YPEL3: variants seen among roughly 807,000 people sequenced by gnomAD.
The protein encoded by YPEL3 is protein yippee-like 3.
A neutral mutation model predicts 17.5 loss-of-function variants in YPEL3; 5 were observed. The ratio of observed to expected loss-of-function variants is 0.29; its 90% CI spans 0.15 to 0.60. The LOEUF (loss-of-function observed/expected upper bound fraction) is 0.60, where lower values mean the gene tolerates loss of function less well. Among genes scored for constraint, YPEL3 ranks in the 20% least tolerant of loss-of-function variants. YPEL3 has a pLI of 0.87. For missense variants in YPEL3, 155 were observed against 211.4 expected, an observed-to-expected ratio of 0.73 and a Z score of 1.65; for synonymous variants, 87 against 87.2, an observed-to-expected ratio of 1.00 and a Z score of 0.01.
intron 3 of YPEL3, chr16:30,094,546 G>A (rs936036777): frequency 2.7e-5 from 15 of 545,676 alleles, no homozygotes; most frequent in Middle Eastern, 9.8e-4. Flanking sequence ...TTCCATAAAT[G>A]GTGACTCTGA....
chr16:30,092,703 G>A lies in YPEL3; in HGVS notation c.*7C>T. On this transcript the variant is annotated 3_prime_UTR_variant, in exon 4 of 4. Transcript: ENST00000398841. ...GGCTGGAGCCACATGCGTCGGGGGAGCGGGGGTCAGTCCCAGCCGTTGTCT... is the reference window on the plus strand; with the variant it reads ...GGCTGGAGCCACATGCGTCGGGGGAACGGGGGTCAGTCCCAGCCGTTGTCT... 1.2e-6 allele frequency: 2 copies of A among 1,613,928 alleles called. No individual in the cohort carries two copies. The highest frequency in any genetic ancestry group is 1.7e-6 in the Non-Finnish European group (2 of 1,179,878).
In YPEL3 at chr16:30,092,351, C is replaced by A; in HGVS notation, c.*359G>T. The A allele has an allele frequency of 3.9e-6, 1 of 256,654 alleles. No homozygotes were observed. Among genetic ancestry groups the A allele is most frequent in the Non-Finnish European group, 7.7e-6 (1 of 129,908 alleles). The allele number at this position is 256,654 out of a possible 1,614,324, so 15.9% of individuals were successfully genotyped here. A position where few individuals can be genotyped will look rare whatever the true frequency, so the allele number is the denominator to read the frequency against. ...ATTGTTTTATTATGTACAAACGCTA[C>A]AGAACGAGGGGGACAGACACGCGTG... is the stretch of plus-strand genomic sequence containing the variant. On this transcript the variant is annotated 3_prime_UTR_variant, in exon 4 of 4. Transcript: ENST00000398841.
Position 30,095,734 on chromosome 16 carries a change from C to T in YPEL3, c.-252G>A, listed in dbSNP as rs937124653. The T allele has an allele frequency of 1.7e-5, 8 of 473,486 alleles. No homozygotes were observed. The East Asian group carries it at 2.5e-4, about 15-fold the overall frequency. The allele number at this position is 473,486 out of a possible 1,614,324, so 29.3% of individuals were successfully genotyped here. A position where few individuals can be genotyped will look rare whatever the true frequency, so the allele number is the denominator to read the frequency against. On this transcript the variant is annotated 5_prime_UTR_variant, in exon 1 of 4. Coordinates refer to ENST00000398841, the MANE Select transcript of YPEL3 (RefSeq NM_031477.5). The surrounding 1 kb of genome is among the most constrained non-coding windows in gnomAD (Gnocchi z 5.4). ...AGGGGCTTTGGAGGGGCTGGGCTGTCAGTTCCCAGTTTCGGGGGAGCATGG... is the reference window on the plus strand; with the variant it reads ...AGGGGCTTTGGAGGGGCTGGGCTGTTAGTTCCCAGTTTCGGGGGAGCATGG...
At position 30,092,376 on chromosome 16, in the gene YPEL3, G is replaced by C. The variant is rs1266238261; in HGVS notation, c.*334C>G. On this transcript the variant is annotated 3_prime_UTR_variant, in exon 4 of 4. Coordinates refer to ENST00000398841, the MANE Select transcript of YPEL3 (RefSeq NM_031477.5). ...CAGAACGAGGGGGACAGACACGCGT[G>C]GGGTAAGAAGGGCCTGGTGGGAGGA... The C allele has an allele frequency of 3.2e-6, 1 of 308,160 alleles. No individual in the cohort carries two copies. The highest frequency in any genetic ancestry group is 5.9e-5 in the East Asian group (1 of 16,916). The allele number at this position is 308,160 out of a possible 1,614,324, so 19.1% of individuals were successfully genotyped here.
Position 30,092,558 on chromosome 16 carries a change from C to T in YPEL3, c.*152G>A. 1 of 642,058 alleles carries T rather than the reference C, an allele frequency of 1.6e-6. No individual in the cohort carries two copies. Among genetic ancestry groups the T allele is most frequent in the Non-Finnish European group, 2.7e-6 (1 of 376,180 alleles). 39.8% of individuals were successfully genotyped at this position (642,058 alleles called of 1,614,324 possible). A position where few individuals can be genotyped will look rare whatever the true frequency, so the allele number is the denominator to read the frequency against. On this transcript the variant is annotated 3_prime_UTR_variant, in exon 4 of 4. Coordinates refer to ENST00000398841, the MANE Select transcript of YPEL3 (RefSeq NM_031477.5). ...CCCCCTTCTGTTCTCCCCCCAAGGT[C>T]ACAGTGCATGCAATAAAATATATAT...
At chr16:30,094,515 A>G (rs2072772156) in intron 3 of YPEL3, 2 of 473,844 alleles carry the variant, frequency 4.2e-6, no homozygotes, top group South Asian at 4.2e-5. Flanking sequence ...CAGGCACACA[A>G]CAGTGCAAGG....
Position 30,095,506 on chromosome 16 carries a change from G to A in YPEL3, c.-24C>T. 6.8e-7 allele frequency: 1 copy of A among 1,467,474 alleles called. No individual in the cohort carries two copies. The highest frequency in any genetic ancestry group is 9.0e-7 in the Non-Finnish European group (1 of 1,106,468). 90.9% of individuals were successfully genotyped at this position (1,467,474 alleles called of 1,614,324 possible). On this transcript the variant is annotated 5_prime_UTR_variant, in exon 1 of 4. Coordinates refer to ENST00000398841, the MANE Select transcript of YPEL3 (RefSeq NM_031477.5). The surrounding 1 kb of genome is among the most constrained non-coding windows in gnomAD (Gnocchi z 5.4). ...ATGCGAGGCACTCCCAGAGCCGTGGGGACTCGCTCTGTCACACTGGGCTGC... is the reference window on the plus strand; with the variant it reads ...ATGCGAGGCACTCCCAGAGCCGTGGAGACTCGCTCTGTCACACTGGGCTGC...
chr16:30,095,676 A>C lies in YPEL3; in HGVS notation c.-194T>G. On this transcript the variant is annotated 5_prime_UTR_variant, in exon 1 of 4. It removes the in-frame stop codon of an upstream open reading frame in the 5' UTR. Transcript: ENST00000398841. This position sits in a 1 kb window ranked among gnomAD's most constrained non-coding sequence, Gnocchi z 5.4. Reference sequence around the variant, plus strand: ...GAGTCACCCGCCTGCTTCCGGCCTCACCCTTGCTGACCTGGCAGCTGAAGC... The same window carrying C: ...GAGTCACCCGCCTGCTTCCGGCCTCCCCCTTGCTGACCTGGCAGCTGAAGC... 1.9e-6 allele frequency: 1 copy of C among 521,494 alleles called. No individual in the cohort carries two copies. The highest frequency in any genetic ancestry group is 3.4e-6 in the Non-Finnish European group (1 of 297,680). The allele number at this position is 521,494 out of a possible 1,614,324, so 32.3% of individuals were successfully genotyped here. A position where few individuals can be genotyped will look rare whatever the true frequency, so the allele number is the denominator to read the frequency against.
chr16:30,093,139 AAATAT>A (rs2072753517), intron 3 of YPEL3, among the ~76,000 whole-genome samples: 1 of 152,210 alleles, frequency 6.6e-6, no homozygotes, highest in Non-Finnish European at 1.5e-5. Context: ...TAAAGTATTA[AAATAT>A]AAGTAGGCCT....
Position 30,092,640 on chromosome 16 carries a change from T to C in YPEL3, c.*70A>G, listed in dbSNP as rs978247415. ...CTGAGGGTCCAGAGCTCCCTTCGGGTGGCGGGAAGCCAGTGGCGCTCCCTG... is the reference window on the plus strand; with the variant it reads ...CTGAGGGTCCAGAGCTCCCTTCGGGCGGCGGGAAGCCAGTGGCGCTCCCTG... On this transcript the variant is annotated 3_prime_UTR_variant, in exon 4 of 4. Transcript: ENST00000398841. 2.1e-6 allele frequency: 3 copies of C among 1,460,176 alleles called. No homozygotes were observed. In the African/African-American group the frequency reaches 4.2e-5, roughly 20 times the overall value. The allele number at this position is 1,460,176 out of a possible 1,614,324, so 90.5% of individuals were successfully genotyped here. A position where few individuals can be genotyped will look rare whatever the true frequency, so the allele number is the denominator to read the frequency against.
chr16:30,096,053 C>A lies in YPEL3; in HGVS notation c.-571G>T, dbSNP rs1238952221. 1.4e-5 allele frequency: 2 copies of A among 143,918 alleles called. No homozygotes were observed. The highest frequency in any genetic ancestry group is 7.1e-5 in the Admixed American group (1 of 14,126). The allele number at this position is 143,918 out of a possible 1,614,324, so 8.9% of individuals were successfully genotyped here. A position where few individuals can be genotyped will look rare whatever the true frequency, so the allele number is the denominator to read the frequency against. On this transcript the variant is annotated 5_prime_UTR_variant, in exon 1 of 4. Transcript: ENST00000398841. ...GAGGGGGCAGTCCTCGCGGGCTGGGCAGGGGCGCGGGGCGACACGCAGCCC... is the reference window on the plus strand; with the variant it reads ...GAGGGGGCAGTCCTCGCGGGCTGGGAAGGGGCGCGGGGCGACACGCAGCCC...
chr16:30,092,675 C>G lies in YPEL3; in HGVS notation c.*35G>C, dbSNP rs777615355. 1 of 1,609,502 alleles carries G rather than the reference C, an allele frequency of 6.2e-7. No individual in the cohort carries two copies. The highest frequency in any genetic ancestry group is 1.7e-5 in the Admixed American group (1 of 59,962). On this transcript the variant is annotated 3_prime_UTR_variant, in exon 4 of 4. Coordinates refer to ENST00000398841, the MANE Select transcript of YPEL3 (RefSeq NM_031477.5). ...CCAGTGGCGCTCCCTGGCGGCCAGG[C>G]CGGGCTGGAGCCACATGCGTCGGGG...
At position 30,095,642 on chromosome 16, in the gene YPEL3, G is replaced by C. The variant is rs974470101; in HGVS notation, c.-160C>G. 4 of 623,802 alleles carry C rather than the reference G, an allele frequency of 6.4e-6. No homozygotes were observed. Among genetic ancestry groups the C allele is most frequent in the Non-Finnish European group, 1.1e-5 (4 of 379,844 alleles). The allele number at this position is 623,802 out of a possible 1,614,324, so 38.6% of individuals were successfully genotyped here. On this transcript the variant is annotated 5_prime_UTR_variant, in exon 1 of 4. Coordinates refer to ENST00000398841, the MANE Select transcript of YPEL3 (RefSeq NM_031477.5). The surrounding 1 kb of genome is among the most constrained non-coding windows in gnomAD (Gnocchi z 5.4). Reference sequence around the variant, plus strand: ...CATGGGGAAACTGAGGCTCGGAGGTGCCCAGGGTGAGTCACCCGCCTGCTT... The same window carrying C: ...CATGGGGAAACTGAGGCTCGGAGGTCCCCAGGGTGAGTCACCCGCCTGCTT...
At position 30,095,014 on chromosome 16, in the gene YPEL3, C is replaced by A; in HGVS notation, c.275+89G>T. The A allele has an allele frequency of 6.2e-7, 1 of 1,602,612 alleles. No individual in the cohort carries two copies. ...GATGCTCACAATTTCCTGCCTGCAC[C>A]GGGGAACTCTGGGAGTCTCAGCAGG... On this transcript the variant is annotated intron_variant, in intron 2 of 3. Transcript: ENST00000398841. This position sits in a 1 kb window ranked among gnomAD's most constrained non-coding sequence, Gnocchi z 5.4.
intron 3 of YPEL3, chr16:30,094,389 T>C (rs569496118): frequency 4.9e-6 from 1 of 205,340 alleles, no homozygotes; most frequent in African/African-American, 2.4e-5. Flanking sequence ...ACTTACCAGT[T>C]GGGTGATCTT....
Position 30,092,510 on chromosome 16 carries a change from C to A in YPEL3, c.*200G>T. The A allele has an allele frequency of 1.8e-6, 1 of 570,744 alleles. No homozygotes were observed. Among genetic ancestry groups the A allele is most frequent in the South Asian group, 2.4e-5 (1 of 42,384 alleles). The allele number at this position is 570,744 out of a possible 1,614,324, so 35.4% of individuals were successfully genotyped here. ...AAAACGAGATCCAAGCCAGCCAGAT[C>A]GCAGGAGGTGCGGGGGCGTCGTCCC... On this transcript the variant is annotated 3_prime_UTR_variant, in exon 4 of 4. Coordinates refer to ENST00000398841, the MANE Select transcript of YPEL3 (RefSeq NM_031477.5).
chr16:30,094,739 T>C, intron 3 of YPEL3, 50 bp downstream of exon 3: 1 of 1,548,332 alleles, frequency 6.5e-7, no homozygotes, highest in African/African-American at 1.4e-5. Context: ...GGAGGAGGTG[T>C]TGGAAGGTCA....
At position 30,092,359 on chromosome 16, in the gene YPEL3, G is replaced by A. The variant is rs769001937; in HGVS notation, c.*351C>T. 3 of 278,992 alleles carry A rather than the reference G, an allele frequency of 1.1e-5. No homozygotes were observed. The highest frequency in any genetic ancestry group is 2.1e-5 in the Non-Finnish European group (3 of 143,616). 17.3% of individuals were successfully genotyped at this position (278,992 alleles called of 1,614,324 possible). On this transcript the variant is annotated 3_prime_UTR_variant, in exon 4 of 4. Transcript: ENST00000398841. ...ATTATGTACAAACGCTACAGAACGA[G>A]GGGGACAGACACGCGTGGGGTAAGA...
In YPEL3 at chr16:30,095,612, G is replaced by A; in HGVS notation, c.-130C>T. On this transcript the variant is annotated 5_prime_UTR_variant, in exon 1 of 4. The change creates a premature stop within an existing upstream ORF in the 5' untranslated region. Coordinates refer to ENST00000398841, the MANE Select transcript of YPEL3 (RefSeq NM_031477.5). The surrounding 1 kb of genome is among the most constrained non-coding windows in gnomAD (Gnocchi z 5.4). ...TGACTCAGTGAGGAGGCCTCAGGTTGCATCCATGGGGAAACTGAGGCTCGG... is the reference window on the plus strand; with the variant it reads ...TGACTCAGTGAGGAGGCCTCAGGTTACATCCATGGGGAAACTGAGGCTCGG... 1.3e-6 allele frequency: 1 copy of A among 797,734 alleles called. No homozygotes were observed. Among genetic ancestry groups the A allele is most frequent in the Non-Finnish European group, 1.9e-6 (1 of 529,070 alleles). 49.4% of individuals were successfully genotyped at this position (797,734 alleles called of 1,614,324 possible).
Sources: gnomAD v4.1 joint callset for allele counts (sites outside exome capture counted in the v4.1 genomes callset) on GRCh38, gnomAD v4.1.1 for gene constraint, Gnocchi (gnomAD v3.1) non-coding constraint, MANE v1.5 for transcripts, NCBI Gene and HGNC (gene_info 2026-07-23, HGNC 2026-07-21) for gene names.